ALDH5A1: variants seen among roughly 807,000 people sequenced by gnomAD.
ALDH5A1 encodes the protein succinate-semialdehyde dehydrogenase, mitochondrial.
A neutral mutation model predicts 54.7 loss-of-function variants in ALDH5A1; 33 were observed. That is an observed-to-expected ratio of 0.60 (90% CI 0.46 to 0.81). The LOEUF (loss-of-function observed/expected upper bound fraction) is 0.81. Among genes scored for constraint, ALDH5A1 ranks in the 30% least tolerant of loss-of-function variants. ALDH5A1 has a pLI of 0.00. For synonymous variants in ALDH5A1, 294 were observed against 292.7 expected (o/e 1.00, Z -0.05); for missense variants, 657 against 711.0 (o/e 0.92, Z 0.86).
At chr6:24,526,974 G>GTGTGTATATA (rs1410523920) in intron 7 of ALDH5A1, among the ~76,000 whole-genome samples, 2 of 30,598 alleles carry the variant, frequency 6.5e-5, no homozygotes, top group African/African-American at 2.0e-4. Flanking sequence ...ATGTGTGTGT[G>GTGTGTATATA]TATATATATA....
rs1363247712 is a variant in ALDH5A1 at position 24,536,598 on chromosome 6, A to G, written c.*2886A>G. 2 of 152,234 alleles carry G rather than the reference A, an allele frequency of 1.3e-5. No homozygotes were observed. Among genetic ancestry groups the G allele is most frequent in the Non-Finnish European group, 2.9e-5 (2 of 68,050 alleles). The allele number at this position is 152,234 out of a possible 1,614,324, so 9.4% of individuals were successfully genotyped here. ...GGCATTATTTCAACACCTCCTGTGA[A>G]GAAAGTACTTTTCTGGCATAGCTAC... is the stretch of plus-strand genomic sequence containing the variant. On this transcript the variant is annotated 3_prime_UTR_variant, in exon 10 of 10. Coordinates refer to ENST00000357578, the MANE Select transcript of ALDH5A1 (RefSeq NM_001080.3).
chr6:24,531,977 C>T (rs563482017), intron 8 of ALDH5A1, 142 bp from the exon 9 acceptor site: 70 of 764,130 alleles, frequency 9.2e-5, no homozygotes, highest in Non-Finnish European at 1.5e-4. Context: ...GTGCTGCTTT[C>T]TTCTGCAATC....
At chr6:24,512,613 T>A (rs1759480362) in intron 4 of ALDH5A1, among the ~76,000 whole-genome samples, 1 of 152,238 alleles carries the variant, frequency 6.6e-6, no homozygotes, top group Admixed American at 6.5e-5. Flanking sequence ...TGATGTGATT[T>A]TCTTGTCATC....
chr6:24,504,761 C>A, intron 3 of ALDH5A1, 108 bp from the exon 4 acceptor site: 1 of 1,127,862 alleles, frequency 8.9e-7, no homozygotes, highest in Non-Finnish European at 1.4e-6. Flanking sequence ...ACGGGTTTGT[C>A]AATCAGTTGT....
chr6:24,516,309 G>A (rs796299487), intron 5 of ALDH5A1, among the ~76,000 whole-genome samples: 15 of 150,636 alleles, frequency 1.0e-4, no homozygotes, highest in African/African-American at 1.9e-4. Flanking sequence ...GGTGGCGGGC[G>A]CCTGTAGTCC....
intron 8 of ALDH5A1, among the ~76,000 whole-genome samples, chr6:24,528,389 G>A (rs1303151299): frequency 1.3e-5 from 2 of 151,864 alleles, no homozygotes; most frequent in African/African-American, 4.8e-5. Flanking sequence ...TTGAGATGGA[G>A]TTTCACTGTG....
chr6:24,502,256 A>G lies in ALDH5A1; in HGVS notation c.355-267A>G, dbSNP rs2744581. On this transcript the variant is annotated intron_variant, in intron 1 of 9. Coordinates refer to ENST00000357578, the MANE Select transcript of ALDH5A1 (RefSeq NM_001080.3). ...TCAGGTTCTCAGCAGATTGGATGAT[A>G]CCCACCTGAATTTTTGAAGGCAAAT... 0.51 allele frequency among the ~76,000 whole-genome samples: 77,328 copies of G among 151,998 alleles called. 20,244 individuals carry two copies. The highest frequency in any genetic ancestry group is 0.6 in the African/African-American group (24,869 of 41,420).
chr6:24,523,981 T>G (rs1235299053), intron 7 of ALDH5A1, among the ~76,000 whole-genome samples: 1 of 133,082 alleles, frequency 7.5e-6, no homozygotes, highest in Non-Finnish European at 1.6e-5. Flanking sequence ...ATCCAGTTTT[T>G]TGTGTTTTTT....
At chr6:24,521,568 A>G (rs971369284) in intron 6 of ALDH5A1, among the ~76,000 whole-genome samples, 1 of 152,252 alleles carries the variant, frequency 6.6e-6, no homozygotes, top group Non-Finnish European at 1.5e-5. Flanking sequence ...AATGTGTGAT[A>G]TTCTCTATCA....
chr6:24,512,207 A>G (rs1322616344), intron 4 of ALDH5A1, among the ~76,000 whole-genome samples: 2 of 152,242 alleles, frequency 1.3e-5, no homozygotes, highest in African/African-American at 4.8e-5. Context: ...TCAGCCGTAG[A>G]TACCAGCACA....
intron 1 of ALDH5A1, among the ~76,000 whole-genome samples, chr6:24,496,988 G>A (rs1764722611): frequency 6.6e-6 from 1 of 152,192 alleles, no homozygotes; most frequent in African/African-American, 2.4e-5. Context: ...AAGGAGGTAA[G>A]TGTGTCCGGA....
rs1046546148 is a variant in ALDH5A1, at chr6:24,533,813, T to C, written c.*101T>C. The C allele has an allele frequency of 9.1e-6, 11 of 1,212,680 alleles. No individual in the cohort carries two copies. Among genetic ancestry groups the C allele is most frequent in the Middle Eastern group, 5.6e-4 (2 of 3,574 alleles). The allele number at this position is 1,212,680 out of a possible 1,614,324, so 75.1% of individuals were successfully genotyped here. ...ATAAACTAATAGGTTTTCAGAATTA[T>C]GAATTTTTCAGAACTCATCCAGTCC... On this transcript the variant is annotated 3_prime_UTR_variant, in exon 10 of 10. Coordinates refer to ENST00000357578, the MANE Select transcript of ALDH5A1 (RefSeq NM_001080.3).
Position 24,495,238 on chromosome 6 carries a change from CGGCCAGCG to C in ALDH5A1, c.244_251del (p.Ala82ArgfsTer51). 3 of 1,523,614 alleles carry C rather than the reference CGGCCAGCG, an allele frequency of 2.0e-6. No individual in the cohort carries two copies. Among genetic ancestry groups the C allele is most frequent in the Non-Finnish European group, 1.8e-6 (2 of 1,142,478 alleles). The allele number at this position is 1,523,614 out of a possible 1,614,324, so 94.4% of individuals were successfully genotyped here. On this transcript the variant is annotated frameshift_variant, in exon 1 of 10. Transcript: ENST00000357578. LOFTEE classifies it high-confidence loss of function. ...GCCGCCACCTTCCCCGTGCAAGACC[CGGCCAGCG>C]GCGCCGCTCTGGGCATGGTAGCCGA... is the stretch of plus-strand genomic sequence containing the variant.
intron 1 of ALDH5A1, among the ~76,000 whole-genome samples, 159 bp downstream of exon 1, chr6:24,495,509 C>T (rs1360548436): frequency 1.2e-4 from 19 of 152,270 alleles, no homozygotes; most frequent in Admixed American, 1.1e-3. Context: ...GGGAGACGAC[C>T]GACAAATAAG....
intron 3 of ALDH5A1, among the ~76,000 whole-genome samples, chr6:24,504,382 A>G (rs1031427986): frequency 6.6e-6 from 1 of 152,258 alleles, no homozygotes; most frequent in Non-Finnish European, 1.5e-5. Flanking sequence ...ATAATAAATC[A>G]TCTGCCATTT....
intron 8 of ALDH5A1, among the ~76,000 whole-genome samples, chr6:24,529,368 T>C (rs913676400): frequency 1.3e-5 from 2 of 151,966 alleles, no homozygotes; most frequent in Admixed American, 6.6e-5. Flanking sequence ...GGTTTCACCA[T>C]GTTGGCCAGG....
At chr6:24,511,688 A>T (rs1581812794) in intron 4 of ALDH5A1, 1 of 385,490 alleles carries the variant, frequency 2.6e-6, no homozygotes, top group Non-Finnish European at 4.5e-6. Context: ...TTTTTTATTT[A>T]TGCTATCTAT....
Position 24,515,225 on chromosome 6 carries a change from A to T in ALDH5A1, c.785A>T (p.Lys262Met). The T allele has an allele frequency of 1.2e-6, 2 of 1,613,706 alleles. No individual in the cohort carries two copies. The highest frequency in any genetic ancestry group is 1.7e-6 in the Non-Finnish European group (2 of 1,179,912). Residue 262 changes from lysine (K) to methionine (M), a missense_variant, in exon 5 of 10, where the codon AAG becomes ATG. Physicochemically the swap from Lys to Met is moderately conservative, Grantham distance 95 (BLOSUM62 -1). Transcript: ENST00000357578. Reference protein sequence around the residue: ...GVYNVIPCSRKNAKEVGEAIC... With the variant: ...GVYNVIPCSRMNAKEVGEAIC... ...TACAATGTTATTCCCTGTTCTCGAA[A>T]GAATGCCAAGGAAGTAGGGGAGGCA...
rs112983811 is a variant in ALDH5A1, at chr6:24,502,351, G to A, written c.355-172G>A. 0.02 allele frequency among the ~76,000 whole-genome samples: 3,002 copies of A among 152,234 alleles called. 71 individuals carry two copies. The highest frequency in any genetic ancestry group is 0.059 in the African/African-American group (2,432 of 41,522). On this transcript the variant is annotated intron_variant, in intron 1 of 9. Transcript: ENST00000357578. ...AACACTCACGGACATACCCAGAAATGATGTTTTACCAGCTATCTGGGTCTC... is the reference window on the plus strand; with the variant it reads ...AACACTCACGGACATACCCAGAAATAATGTTTTACCAGCTATCTGGGTCTC...
Sources: allele counts gnomAD v4.1 joint callset (sites outside exome capture counted in the v4.1 genomes callset), GRCh38; gene constraint gnomAD v4.1.1; transcripts MANE v1.5; gene names NCBI Gene and HGNC (gene_info 2026-07-23, HGNC 2026-07-21).